Variants in ARB2A observed in about 807,000 individuals in gnomAD.
The protein encoded by ARB2A is ARB2 cotranscriptional regulator A.
the ARB2A span, among the ~76,000 whole-genome samples, chr5:93,763,983 A>T: frequency 6.6e-6 from 1 of 152,228 alleles, no homozygotes; most frequent in Non-Finnish European, 1.5e-5. Context: ...AGAAATAAAG[A>T]TGTTCTTTGA....
At chr5:93,650,119 C>T in the ARB2A span, among the ~76,000 whole-genome samples, 5 of 150,986 alleles carry the variant, frequency 3.3e-5, no homozygotes, top group African/African-American at 1.2e-4. Context: ...ACCAATAATC[C>T]TACTGTTCAG....
chr5:93,943,459 T>G, the ARB2A span, among the ~76,000 whole-genome samples: 1 of 152,144 alleles, frequency 6.6e-6, no homozygotes, highest in East Asian at 1.9e-4. Context: ...CAAGAATCTT[T>G]TGCCATACTC....
chr5:93,812,370 A>T, the ARB2A span, among the ~76,000 whole-genome samples: 2 of 152,072 alleles, frequency 1.3e-5, no homozygotes, highest in Non-Finnish European at 2.9e-5. Flanking sequence ...TTATTTTCAC[A>T]ATTTACAGGG....
the ARB2A span, among the ~76,000 whole-genome samples, chr5:93,728,986 G>C: frequency 3.9e-5 from 6 of 152,026 alleles, no homozygotes; most frequent in African/African-American, 1.4e-4. Context: ...GGCTATGGCT[G>C]TATTTTTACC....
At chr5:93,825,661 T>A in the ARB2A span, among the ~76,000 whole-genome samples, 1 of 152,094 alleles carries the variant, frequency 6.6e-6, no homozygotes, top group Admixed American at 6.6e-5. Flanking sequence ...AAAAATGAAA[T>A]CCATGCATGG....
the ARB2A span, among the ~76,000 whole-genome samples, chr5:93,710,283 T>C: frequency 6.6e-6 from 1 of 152,224 alleles, no homozygotes; most frequent in South Asian, 2.1e-4. Flanking sequence ...GTTAAAATTA[T>C]AGAAATGTGA....
At chr5:93,979,371 G>GTCTAATTAAA in the ARB2A span, among the ~76,000 whole-genome samples, 1 of 152,052 alleles carries the variant, frequency 6.6e-6, no homozygotes, top group East Asian at 1.9e-4. Context: ...TATTACACCA[G>GTCTAATTAAA]CACCATAATG....
the ARB2A span, among the ~76,000 whole-genome samples, chr5:93,878,975 C>T: frequency 3.3e-5 from 5 of 151,864 alleles, no homozygotes; most frequent in Non-Finnish European, 7.4e-5. Context: ...AAAATCAGGA[C>T]AAAATGATGT....
At chr5:93,891,313 T>C in the ARB2A span, among the ~76,000 whole-genome samples, 3 of 152,078 alleles carry the variant, frequency 2.0e-5, no homozygotes, top group African/African-American at 7.2e-5. Context: ...CACTTATAAT[T>C]GCCCCCTCCT....
At chr5:94,042,996 A>T in the ARB2A span, among the ~76,000 whole-genome samples, 1 of 152,094 alleles carries the variant, frequency 6.6e-6, no homozygotes, top group South Asian at 2.1e-4. Flanking sequence ...CGTGTTTTTG[A>T]CTGTGGCTGC....
At chr5:94,099,379 C>CT in the ARB2A span, among the ~76,000 whole-genome samples, 1 of 151,868 alleles carries the variant, frequency 6.6e-6, no homozygotes, top group Non-Finnish European at 1.5e-5. Flanking sequence ...AATCCCAGCA[C>CT]TTTGGGAGGT....
At chr5:94,100,065 C>T in the ARB2A span, among the ~76,000 whole-genome samples, 14 of 152,154 alleles carry the variant, frequency 9.2e-5, no homozygotes, top group Non-Finnish European at 1.5e-4. Context: ...AAAGCTCCTT[C>T]AGCTGATAAA....
the ARB2A span, among the ~76,000 whole-genome samples, chr5:93,640,840 A>G: frequency 6.8e-4 from 103 of 152,132 alleles, no homozygotes; most frequent in Middle Eastern, 6.8e-3. Context: ...GTGTTACACA[A>G]TTTGTTGAAA....
the ARB2A span, among the ~76,000 whole-genome samples, chr5:93,888,157 C>T: frequency 6.6e-6 from 1 of 151,866 alleles, no homozygotes; most frequent in East Asian, 1.9e-4. Flanking sequence ...TTGCAAATTT[C>T]TCTGCTATTC....
At chr5:94,034,639 A>G in the ARB2A span, among the ~76,000 whole-genome samples, 1 of 152,208 alleles carries the variant, frequency 6.6e-6, no homozygotes, top group African/African-American at 2.4e-5. Context: ...CTCAAATTGC[A>G]CCAACTTTGC....
chr5:94,091,382 T>G, the ARB2A span, among the ~76,000 whole-genome samples: 4 of 152,184 alleles, frequency 2.6e-5, no homozygotes, highest in Non-Finnish European at 5.9e-5. Flanking sequence ...CACAACCACC[T>G]GTCAAATACT....
the ARB2A span, among the ~76,000 whole-genome samples, chr5:93,698,803 T>C: frequency 1.3e-5 from 2 of 152,204 alleles, no homozygotes; most frequent in Admixed American, 6.5e-5. Flanking sequence ...GATTATAAGA[T>C]AGACACACAT....
chr5:94,029,773 A>C, the ARB2A span, among the ~76,000 whole-genome samples: 17 of 152,232 alleles, frequency 1.1e-4, no homozygotes, highest in Admixed American at 1.1e-3. Context: ...CCTTTCACCT[A>C]AAGGAATTAG....
chr5:93,986,191 ACC>A, the ARB2A span, among the ~76,000 whole-genome samples: 1 of 136,122 alleles, frequency 7.3e-6, no homozygotes, highest in Non-Finnish European at 1.6e-5. Flanking sequence ...CCTGGCCGCG[ACC>A]CCGTCTGGGA....
Sources: gnomAD v4.1 joint callset for allele counts (sites outside exome capture counted in the v4.1 genomes callset) on GRCh38, gnomAD v4.1.1 for gene constraint, MANE v1.5 for transcripts, NCBI Gene and HGNC (gene_info 2026-07-23, HGNC 2026-07-21) for gene names.